Variants in PRR5 observed in about 807,000 individuals in gnomAD.
PRR5 encodes the protein proline rich 5, also known as proline-rich protein 5.
A neutral mutation model predicts 30.6 loss-of-function variants in PRR5; 25 were observed. That is an observed-to-expected ratio of 0.82 (90% CI 0.60 to 1.14). The LOEUF is 1.14. PRR5 is among the 50% of genes most tolerant of loss of function. PRR5 has a pLI of 0.00. For synonymous variants in PRR5, 286 were observed against 247.1 expected, an observed-to-expected ratio of 1.16 and a Z score of -1.48; for missense variants, 600 against 547.1, an observed-to-expected ratio of 1.10 and a Z score of -0.96.
rs1375968578 is a variant in PRR5 at position 44,702,280 on chromosome 22, C to A, written c.-195C>A. ...TGAGCCTCTCCGTGCAATGATTAAC[C>A]CGGCGGGGCGGCCGGCGCGGGACCC... On this transcript the variant is annotated 5_prime_UTR_variant, in exon 1 of 8. Coordinates refer to ENST00000336985, the MANE Select transcript of PRR5 (RefSeq NM_181333.4). The A allele has an allele frequency of 3.5e-6, 4 of 1,145,552 alleles. No individual in the cohort carries two copies. In the African/African-American group the frequency reaches 6.6e-5, roughly 19 times the overall value. 71.0% of individuals were successfully genotyped at this position (1,145,552 alleles called of 1,614,324 possible).
chr22:44,677,831 G>A (rs9626509), intron 1 of PRR5, among the ~76,000 whole-genome samples: 1 of 152,228 alleles, frequency 6.6e-6, no homozygotes, highest in Non-Finnish European at 1.5e-5. Context: ...TTTTCTCTGA[G>A]CAAGCAAGGA....
At chr22:44,734,942 CTGGT>C in intron 6 of PRR5, 81 bp from the exon 7 acceptor site, 2 of 1,467,858 alleles carry the variant, frequency 1.4e-6, no homozygotes, top group South Asian at 2.4e-5. Flanking sequence ...GACAGGCTGT[CTGGT>C]GGGTGGGACA....
At chr22:44,724,304 C>T (rs957121287) in intron 2 of PRR5, among the ~76,000 whole-genome samples, 6 of 152,056 alleles carry the variant, frequency 3.9e-5, no homozygotes, top group African/African-American at 1.2e-4. Flanking sequence ...GGCCTGGTGG[C>T]GCATGCCTGT....
At chr22:44,719,035 C>A (rs954745922) in intron 2 of PRR5, among the ~76,000 whole-genome samples, 2 of 151,306 alleles carry the variant, frequency 1.3e-5, no homozygotes, top group Non-Finnish European at 2.9e-5. Flanking sequence ...TGATCCCGTC[C>A]TTTGATCACC....
At chr22:44,703,104 G>C (rs1440631461) in intron 1 of PRR5, among the ~76,000 whole-genome samples, 1 of 152,202 alleles carries the variant, frequency 6.6e-6, no homozygotes, top group Non-Finnish European at 1.5e-5. Flanking sequence ...GTCAGCAGGG[G>C]GTGCGGCAGC....
At chr22:44,735,300 C>T (rs1020814354) in intron 7 of PRR5, 138 bp downstream of exon 7, 2 of 1,286,444 alleles carry the variant, frequency 1.6e-6, no homozygotes, top group African/African-American at 1.5e-5. Flanking sequence ...CAGCAGCCCC[C>T]AGCCTGCCAT....
chr22:44,701,629 T>C (rs1926297828), upstream of PRR5, among the ~76,000 whole-genome samples: 1 of 152,160 alleles, frequency 6.6e-6, no homozygotes, highest in Non-Finnish European at 1.5e-5. Flanking sequence ...GAGCAAACCC[T>C]CTACTTCTTC....
intron 6 of PRR5, 95 bp downstream of exon 6, chr22:44,732,486 G>C (rs1376459063): frequency 1.3e-6 from 2 of 1,492,644 alleles, no homozygotes; most frequent in African/African-American, 1.4e-5. Flanking sequence ...GGATTTAGGG[G>C]CACGAGACTT....
intron 6 of PRR5, among the ~76,000 whole-genome samples, chr22:44,732,995 C>T (rs576003682): frequency 5.3e-4 from 76 of 142,608 alleles, no homozygotes; most frequent in Non-Finnish European, 7.3e-4. Flanking sequence ...TACATGTGCG[C>T]GCACACATAC....
At chr22:44,736,630 G>A (rs1206567981) in intron 7 of PRR5, 142 bp from the exon 8 acceptor site, 2 of 1,383,952 alleles carry the variant, frequency 1.4e-6, no homozygotes, top group Non-Finnish European at 1.9e-6. Context: ...TGTGGCGGTG[G>A]GACCTGCTGA....
intron 1 of PRR5, among the ~76,000 whole-genome samples, chr22:44,696,424 A>G (rs1273949790): frequency 6.6e-6 from 1 of 152,234 alleles, no homozygotes; most frequent in East Asian, 1.9e-4. Flanking sequence ...TTGGTGTTCA[A>G]GACCTGGCTG....
At chr22:44,721,296 C>G (rs981781958) in intron 2 of PRR5, among the ~76,000 whole-genome samples, 2 of 152,162 alleles carry the variant, frequency 1.3e-5, no homozygotes, top group African/African-American at 4.8e-5. Flanking sequence ...GGTTGAAATA[C>G]CCTCTAGAGG....
At chr22:44,720,829 T>C (rs1487840769) in intron 2 of PRR5, among the ~76,000 whole-genome samples, 7 of 152,132 alleles carry the variant, frequency 4.6e-5, no homozygotes, top group Non-Finnish European at 7.3e-5. Context: ...AGTTCATTCA[T>C]TGTGAGCTGT....
At chr22:44,726,261 C>T (rs1464492149) in intron 3 of PRR5, among the ~76,000 whole-genome samples, 1 of 152,204 alleles carries the variant, frequency 6.6e-6, no homozygotes, top group African/African-American at 2.4e-5. Context: ...ATGCAAAGTC[C>T]TTTCTTCACT....
At chr22:44,669,125 C>G (rs1334175667) in intron 1 of PRR5, among the ~76,000 whole-genome samples, 2 of 150,994 alleles carry the variant, frequency 1.3e-5, no homozygotes, top group African/African-American at 4.9e-5. Context: ...CGCCCCGCCC[C>G]CTTCCCTCTA....
At chr22:44,732,875 T>TGC (rs1759255651) in intron 6 of PRR5, among the ~76,000 whole-genome samples, 1 of 136,802 alleles carries the variant, frequency 7.3e-6, no homozygotes, top group Admixed American at 7.6e-5. Context: ...TACTACACAC[T>TGC]GCACACACAC....
intron 1 of PRR5, among the ~76,000 whole-genome samples, chr22:44,689,685 A>G (rs1211721353): frequency 4.6e-5 from 7 of 152,070 alleles, no homozygotes; most frequent in African/African-American, 1.7e-4. Flanking sequence ...GTCTCGCTCT[A>G]TCACCCAGGC....
intron 2 of PRR5, among the ~76,000 whole-genome samples, chr22:44,720,685 G>A (rs1929795747): frequency 6.6e-6 from 1 of 152,212 alleles, no homozygotes; most frequent in African/African-American, 2.4e-5. Context: ...CTCATCCTCA[G>A]CCTGTGGTCA....
chr22:44,735,703 G>A (rs895948912), intron 7 of PRR5, among the ~76,000 whole-genome samples: 15 of 152,278 alleles, frequency 9.9e-5, no homozygotes, highest in Non-Finnish European at 1.8e-4. Flanking sequence ...CCCCTCCCGC[G>A]GGGGAGGCCG....
Sources: allele counts gnomAD v4.1 joint callset (sites outside exome capture counted in the v4.1 genomes callset), GRCh38; gene constraint gnomAD v4.1.1; transcripts MANE v1.5; gene names NCBI Gene and HGNC (gene_info 2026-07-23, HGNC 2026-07-21).